DNAH1: variants seen among roughly 807,000 people sequenced by gnomAD.
DNAH1 encodes dynein axonemal heavy chain 1.
A neutral mutation model predicts 484.3 loss-of-function variants in DNAH1; 327 were observed. The ratio of observed to expected loss-of-function variants is 0.68; its 90% CI spans 0.62 to 0.74. The LOEUF (loss-of-function observed/expected upper bound fraction) is 0.74. Among genes scored for constraint, DNAH1 ranks in the 30% least tolerant of loss-of-function variants. The pLI, the probability that DNAH1 is intolerant of heterozygous loss-of-function variation, is 0.00. For synonymous variants in DNAH1, 2,192 were observed against 2,191.9 expected, an observed-to-expected ratio of 1.00 and a Z score of 0.00; for missense variants, 5,052 against 5,546.8, an observed-to-expected ratio of 0.91 and a Z score of 2.83.
At chr3:52,376,855 C>T (rs982184137) in intron 46 of DNAH1, among the ~76,000 whole-genome samples, 2 of 151,998 alleles carry the variant, frequency 1.3e-5, no homozygotes, top group African/African-American at 2.4e-5. Context: ...CACCAGTTGC[C>T]TTCTGTGGCC....
At position 52,353,648 on chromosome 3, in the gene DNAH1, G is replaced by GCGGGCCCAGCCACTCCAGC; in HGVS notation, c.3480+17_3480+35dup. 6.4e-7 allele frequency: 1 copy of GCGGGCCCAGCCACTCCAGC among 1,561,010 alleles called. No individual in the cohort carries two copies. The highest frequency in any genetic ancestry group is 8.7e-7 in the Non-Finnish European group (1 of 1,155,632). Reference sequence around the variant, plus strand: ...CCATCGAGCAGGTGGGTAGCCACCAGCGGGCCCAGCCACTCCAGCCAGGCC... The same window carrying GCGGGCCCAGCCACTCCAGC: ...CCATCGAGCAGGTGGGTAGCCACCAGCGGGCCCAGCCACTCCAGCCGGGCCCAGCCACTCCAGCCAGGCC... On this transcript the variant is annotated intron_variant, in intron 20 of 77. Transcript: ENST00000420323. This position sits in a 1 kb window ranked among gnomAD's most constrained non-coding sequence, Gnocchi z 5.0.
chr3:52,377,237 A>G (rs1413225695), intron 46 of DNAH1, among the ~76,000 whole-genome samples: 1 of 151,896 alleles, frequency 6.6e-6, no homozygotes, highest in Admixed American at 6.6e-5. Flanking sequence ...ATCTCAGGCA[A>G]TGGCAGCTCC....
chr3:52,377,607 T>C (rs747026209), intron 46 of DNAH1, among the ~76,000 whole-genome samples: 3 of 152,050 alleles, frequency 2.0e-5, no homozygotes, highest in Non-Finnish European at 4.4e-5. Context: ...CATCCTCTGA[T>C]CTCACCGCCT....
chr3:52,339,923 T>G (rs1480495947), intron 8 of DNAH1, among the ~76,000 whole-genome samples: 3 of 152,158 alleles, frequency 2.0e-5, no homozygotes, highest in Admixed American at 1.3e-4. Flanking sequence ...TTCTTTTCCC[T>G]TATCCTCCAG....
intron 46 of DNAH1, among the ~76,000 whole-genome samples, chr3:52,378,054 A>C (rs1336557219): frequency 6.6e-6 from 1 of 152,020 alleles, no homozygotes; most frequent in Non-Finnish European, 1.5e-5. Flanking sequence ...CCACTGACAG[A>C]ATTTGGGTTC....
intron 15 of DNAH1, among the ~76,000 whole-genome samples, 179 bp downstream of exon 15, chr3:52,350,287 G>C (rs1702320301): frequency 6.6e-6 from 1 of 152,080 alleles, no homozygotes. Context: ...TCTGCTGTCT[G>C]GGGGTAGGGG....
chr3:52,396,747 A>G lies in DNAH1; in HGVS notation c.11560A>G (p.Ile3854Val), dbSNP rs1704648243. 6.2e-7 allele frequency: 1 copy of G among 1,613,784 alleles called. No individual in the cohort carries two copies. The highest frequency in any genetic ancestry group is 8.5e-7 in the Non-Finnish European group (1 of 1,179,882). ...CACGGATGGAGATCTGCGCATCTGC[A>G]TCAGCCAGCTCAAGATGTTCCTGGA... ...EFTDGDLRIC[I>V]SQLKMFLDEY... The change falls in exon 72 of 78, where the codon ATC (isoleucine) becomes GTC (valine). Residue 3854 changes from isoleucine to valine, a missense_variant. This residue lies in a region of DNAH1 where 853 missense variants were observed against 899.0 expected (regional missense o/e 0.95). Transcript: ENST00000420323.
chr3:52,354,587 T>G (rs1405888284), intron 20 of DNAH1, among the ~76,000 whole-genome samples: 1 of 150,890 alleles, frequency 6.6e-6, no homozygotes, highest in Non-Finnish European at 1.5e-5. Flanking sequence ...GAACCAAGAT[T>G]GTGCCACTGC....
At chr3:52,386,421 G>A (rs886409611) in intron 55 of DNAH1, 76 bp downstream of exon 55, 6 of 1,463,442 alleles carry the variant, frequency 4.1e-6, no homozygotes, top group Non-Finnish European at 5.5e-6. Context: ...ACATCCCCTG[G>A]GACCCAGCAG....
Position 52,398,297 on chromosome 3 carries a change from T to C in DNAH1, c.12089+135T>C, listed in dbSNP as rs955942617. On this transcript the variant is annotated intron_variant, in intron 75 of 77. Transcript: ENST00000420323. ...TAACTCAGCTATTTTTTGTTGTTGTTGTTGACACGGAGTCTCTCTCTGTTG... is the reference window on the plus strand; with the variant it reads ...TAACTCAGCTATTTTTTGTTGTTGTCGTTGACACGGAGTCTCTCTCTGTTG... 4.4e-5 allele frequency: 52 copies of C among 1,191,970 alleles called. 1 individual carries two copies. In the African/African-American group the frequency reaches 6.2e-4, roughly 14 times the overall value. 73.8% of individuals were successfully genotyped at this position (1,191,970 alleles called of 1,614,324 possible).
upstream of DNAH1, among the ~76,000 whole-genome samples, chr3:52,314,563 C>T (rs183544740): frequency 3.8e-4 from 58 of 152,304 alleles, no homozygotes; most frequent in African/African-American, 1.4e-3. Context: ...CCTGGACTGA[C>T]GCATGGGCAG....
Position 52,375,339 on chromosome 3 carries a change from A to C in DNAH1, c.7085A>C (p.Asn2362Thr), listed in dbSNP as rs1456767917. 1.2e-6 allele frequency: 2 copies of C among 1,613,628 alleles called. No homozygotes were observed. Among genetic ancestry groups the C allele is most frequent in the East Asian group, 2.2e-5 (1 of 44,884 alleles). ...ACCCCGCGGCTGATGCGTCACTTCA[A>C]CTACCTGTCTTTCGCTGAGATGGAC... ...TVTPRLMRHF[N>T]YLSFAEMDEV... Residue 2362 changes from asparagine to threonine, a missense_variant, in exon 45 of 78, where the codon AAC becomes ACC. Asn to Thr is a moderately conservative substitution (Grantham distance 65, BLOSUM62 0). Around this residue, in one of 4 missense-constraint regions of DNAH1, gnomAD observed 2,929 missense variants for 3,409.4 expected, o/e 0.86. Coordinates refer to ENST00000420323, the MANE Select transcript of DNAH1 (RefSeq NM_015512.5).
At position 52,388,443 on chromosome 3, in the gene DNAH1, A is replaced by C; in HGVS notation, c.9197A>C (p.Asp3066Ala). 6.2e-7 allele frequency: 1 copy of C among 1,612,654 alleles called. No homozygotes were observed. The highest frequency in any genetic ancestry group is 8.5e-7 in the Non-Finnish European group (1 of 1,179,402). ...KRQALLEAQDDLGVTQRILDE... is the reference protein window; with the variant it reads ...KRQALLEAQDALGVTQRILDE... ...CAAGCCCTGCTGGAGGCCCAGGATG[A>C]CCTGGGGGTGACACAGAGGATCCTG... Residue 3066 changes from aspartate to alanine, a missense_variant, in exon 58 of 78, where the codon GAC (aspartate) becomes GCC (alanine). Asp to Ala is a moderately radical substitution (Grantham distance 126). Transcript: ENST00000420323.
intron 44 of DNAH1, chr3:52,373,981 C>G (rs1703470618): frequency 2.5e-6 from 3 of 1,179,696 alleles, no homozygotes; most frequent in Non-Finnish European, 3.8e-6. Flanking sequence ...ATGAATTTTT[C>G]TTAAGATTTT....
intron 8 of DNAH1, among the ~76,000 whole-genome samples, chr3:52,343,986 TGAA>T (rs1159907656): frequency 1.3e-5 from 2 of 152,094 alleles, no homozygotes; most frequent in East Asian, 3.9e-4. Flanking sequence ...AGTTTCAAAG[TGAA>T]GTGCAGGGGT....
At position 52,388,565 on chromosome 3, in the gene DNAH1, C is replaced by CAGTGTGAAGCAG. The variant is rs1172231444; in HGVS notation, c.9319_9320insAGTGTGAAGCAG (p.Leu3107delinsGlnCysGluAlaVal). 3.7e-6 allele frequency: 6 copies of CAGTGTGAAGCAG among 1,612,786 alleles called. No homozygotes were observed. In the African/African-American group the frequency reaches 8.0e-5, roughly 22 times the overall value. Reference sequence around the variant, plus strand: ...CATTACCAAGAAGGAGGAGCTGGAGCTGAAGTGTGAGCAGTGTGAGCAGCG... The same window carrying CAGTGTGAAGCAG: ...CATTACCAAGAAGGAGGAGCTGGAGCAGTGTGAAGCAGTGAAGTGTGAGCAGTGTGAGCAGCG... On this transcript the variant is annotated protein_altering_variant, in exon 58 of 78. Transcript: ENST00000420323.
At chr3:52,335,116 T>C (rs1701692042) in intron 8 of DNAH1, among the ~76,000 whole-genome samples, 1 of 148,320 alleles carries the variant, frequency 6.7e-6, no homozygotes, top group African/African-American at 2.5e-5. Context: ...GTGTGATTTT[T>C]TTTTTTGCTT....
intron 7 of DNAH1, 33 bp downstream of exon 7, chr3:52,331,342 C>T: frequency 6.3e-7 from 1 of 1,582,548 alleles, no homozygotes; most frequent in Non-Finnish European, 8.6e-7. Context: ...CAGGCAGAAC[C>T]CCAGCTTGGG....
rs1702847822 is a variant in DNAH1, at chr3:52,361,303, G to C, written c.4825G>C (p.Asp1609His). 1 of 1,607,120 alleles carries C rather than the reference G, an allele frequency of 6.2e-7. No individual in the cohort carries two copies. Among genetic ancestry groups the C allele is most frequent in the East Asian group, 2.2e-5 (1 of 44,684 alleles). ...AIQTVVFNCS[D>H]QLDFMAMGKF... is the part of the protein sequence containing the mutation. ...ACAGACCGTTGTGTTCAACTGCTCT[G>C]ACCAGCTCGACTTCATGGCCATGGG... Residue 1609 changes from aspartate (D) to histidine (H), a missense_variant, in exon 29 of 78, where the codon GAC (aspartate) becomes CAC (histidine). Transcript: ENST00000420323. This position sits in a 1 kb window ranked among gnomAD's most constrained non-coding sequence, Gnocchi z 5.6.
Sources: allele counts gnomAD v4.1 joint callset (sites outside exome capture counted in the v4.1 genomes callset), GRCh38; gene constraint gnomAD v4.1.1; regional missense constraint gnomAD v4.1.1; non-coding constraint Gnocchi (gnomAD v3.1); transcripts MANE v1.5; gene names NCBI Gene and HGNC (gene_info 2026-07-23, HGNC 2026-07-21).